The following RNFT2 variants were observed in gnomAD, a reference collection of about 807,000 sequenced individuals.
The protein encoded by RNFT2 is E3 ubiquitin-protein ligase RNFT2.
In RNFT2, 36 loss-of-function variants were observed where a neutral mutation model predicts 53.0. That is an observed-to-expected ratio of 0.68 (90% CI 0.52 to 0.90). The LOEUF is 0.90. Among genes scored for constraint, RNFT2 ranks in the 40% least tolerant of loss-of-function variants. RNFT2 has a pLI of 0.00. For synonymous variants in RNFT2, 260 were observed against 253.2 expected, an observed-to-expected ratio of 1.03 and a Z score of -0.26; for missense variants, 514 against 585.6, an observed-to-expected ratio of 0.88 and a Z score of 1.26.
At chr12:116,751,758 T>G (rs1054657160) in intron 4 of RNFT2, among the ~76,000 whole-genome samples, 3 of 151,928 alleles carry the variant, frequency 2.0e-5, no homozygotes, top group Non-Finnish European at 4.4e-5. Flanking sequence ...TTGTTTGTTT[T>G]TGTTTTTGTT....
At position 116,789,242 on chromosome 12, in the gene RNFT2, TG is replaced by T. The variant is rs529790507; in HGVS notation, c.882+9897del. Among the ~76,000 whole-genome samples, 690 of 137,464 alleles carry T rather than the reference TG, an allele frequency of 5.0e-3. 1 individual carries two copies. The highest frequency in any genetic ancestry group is 7.8e-3 in the Admixed American group (104 of 13,288). 90.2% of individuals were successfully genotyped at this position (137,464 alleles called of 152,430 possible). ...GGTAAATGGGAGGAGAGTAGATGGATGGGTGGATGGGTAAATGGGAGAAGAG... is the reference window on the plus strand; with the variant it reads ...GGTAAATGGGAGGAGAGTAGATGGATGGTGGATGGGTAAATGGGAGAAGAG... On this transcript the variant is annotated intron_variant, in intron 7 of 10. Transcript: ENST00000257575.
chr12:116,777,788 C>A (rs1375571709), intron 6 of RNFT2, among the ~76,000 whole-genome samples: 1 of 152,138 alleles, frequency 6.6e-6, no homozygotes, highest in East Asian at 1.9e-4. Context: ...TTCATGAGAA[C>A]CCTGAGGCTT....
At chr12:116,791,592 G>T (rs1375121970) in intron 7 of RNFT2, among the ~76,000 whole-genome samples, 1 of 152,200 alleles carries the variant, frequency 6.6e-6, no homozygotes, top group Non-Finnish European at 1.5e-5. Context: ...TTACAGGCAT[G>T]AGCCACCATG....
chr12:116,827,334 C>T lies in RNFT2; in HGVS notation c.883-6458C>T, dbSNP rs185331711. Among the ~76,000 whole-genome samples, 517 of 152,184 alleles carry T rather than the reference C, an allele frequency of 3.4e-3. 4 individuals are homozygous for T. The highest frequency in any genetic ancestry group is 0.011 in the African/African-American group (476 of 41,514). On this transcript the variant is annotated intron_variant, in intron 7 of 10. Transcript: ENST00000257575. ...AAAGTCAGGGAAGGCTTTTCATAGG[C>T]GGTGACAGTTAGCTGAGACCCAAAA...
chr12:116,809,803 G>C lies in RNFT2; in HGVS notation c.883-23989G>C, dbSNP rs190939713. Among the ~76,000 whole-genome samples, 216 of 152,220 alleles carry C rather than the reference G, an allele frequency of 1.4e-3. 1 individual carries two copies. The highest frequency in any genetic ancestry group is 5.1e-3 in the African/African-American group (210 of 41,544). On this transcript the variant is annotated intron_variant, in intron 7 of 10. Coordinates refer to ENST00000257575, the MANE Select transcript of RNFT2 (RefSeq NM_001382266.1). The stretch of plus-strand genomic sequence containing the variant: ...TTCTCCTGCCTCAGCCTCCTGAGTA[G>C]CTGGGACTACAGGCACCCACCACCA...
rs1016195907 is a variant in RNFT2, at chr12:116,749,284, C to A, written c.84-557C>A. Among the ~76,000 whole-genome samples the A allele has an allele frequency of 7.2e-5, 3 of 41,468 alleles. 1 individual carries two copies. The highest frequency in any genetic ancestry group is 1.7e-3 in the South Asian group (2 of 1,144). 27.2% of individuals were successfully genotyped at this position (41,468 alleles called of 152,430 possible). A position where few individuals can be genotyped will look rare whatever the true frequency, so the allele number is the denominator to read the frequency against. The stretch of plus-strand genomic sequence containing the variant: ...TGTCCTAATCTCTTCCTCTTTCCCC[C>A]CCCACCACCCCTTTTGAGACAGGCT... On this transcript the variant is annotated intron_variant, in intron 3 of 10. Coordinates refer to ENST00000257575, the MANE Select transcript of RNFT2 (RefSeq NM_001382266.1).
At chr12:116,743,412 A>G (rs989936733) in intron 3 of RNFT2, among the ~76,000 whole-genome samples, 4 of 151,634 alleles carry the variant, frequency 2.6e-5, no homozygotes, top group Admixed American at 2.0e-4. Flanking sequence ...GACCATAGGC[A>G]CGCACCACCA....
At chr12:116,809,187 GTT>G (rs1565866738) in intron 7 of RNFT2, among the ~76,000 whole-genome samples, 243 of 150,954 alleles carry the variant, frequency 1.6e-3, no homozygotes, top group Non-Finnish European at 2.9e-3. Flanking sequence ...AGCTGAGTTT[GTT>G]CATTCATTCA....
intron 7 of RNFT2, among the ~76,000 whole-genome samples, chr12:116,788,216 T>C (rs1874025971): frequency 6.6e-6 from 1 of 152,212 alleles, no homozygotes; most frequent in African/African-American, 2.4e-5. Context: ...CGTGAGCCAC[T>C]GCGCCCAGCC....
At chr12:116,833,362 C>T (rs1311686457) in intron 7 of RNFT2, among the ~76,000 whole-genome samples, 1 of 152,240 alleles carries the variant, frequency 6.6e-6, no homozygotes, top group South Asian at 2.1e-4. Flanking sequence ...TGCCCAGGCC[C>T]CTGAGAGCAG....
chr12:116,812,107 A>G (rs1436271996), intron 7 of RNFT2, among the ~76,000 whole-genome samples: 1 of 152,102 alleles, frequency 6.6e-6, no homozygotes, highest in Non-Finnish European at 1.5e-5. Context: ...TGCCTGCTCA[A>G]TCTCAGCTGT....
intron 8 of RNFT2, among the ~76,000 whole-genome samples, chr12:116,835,303 A>G (rs1592987440): frequency 8.0e-6 from 1 of 124,530 alleles, no homozygotes; most frequent in South Asian, 2.5e-4. Flanking sequence ...CCACACTTCT[A>G]CTGAATGTTT....
chr12:116,814,630 GC>G (rs1483819907), intron 7 of RNFT2, among the ~76,000 whole-genome samples: 1 of 152,112 alleles, frequency 6.6e-6, no homozygotes, highest in African/African-American at 2.4e-5. Context: ...AGCACCCTTT[GC>G]AGAAGGCCCA....
chr12:116,852,753 G>C lies in RNFT2; in HGVS notation c.*3305G>C, dbSNP rs376978684. The C allele has an allele frequency of 1.2e-5, 19 of 1,587,210 alleles. No homozygotes were observed. The highest frequency in any genetic ancestry group is 1.6e-5 in the Non-Finnish European group (18 of 1,155,702). On this transcript the variant is annotated 3_prime_UTR_variant, in exon 11 of 11. Coordinates refer to ENST00000257575, the MANE Select transcript of RNFT2 (RefSeq NM_001382266.1). ...TGCTGGGAGTCAGACCTGGAATTCT[G>C]ATTCCAAACTCTTTATTACTTTGGG...
chr12:116,780,670 C>CAA lies in RNFT2; in HGVS notation c.882+1335_882+1336dup, dbSNP rs534092869. On this transcript the variant is annotated intron_variant, in intron 7 of 10. Coordinates refer to ENST00000257575, the MANE Select transcript of RNFT2 (RefSeq NM_001382266.1). ...CAGGAAACGCAAAATGGCATAAAGACAAAAAAAAAAAAAAGAGATGTGGAG... is the reference window on the plus strand; with the variant it reads ...CAGGAAACGCAAAATGGCATAAAGACAAAAAAAAAAAAAAAAGAGATGTGGAG... 1.6e-3 allele frequency among the ~76,000 whole-genome samples: 157 copies of CAA among 100,190 alleles called. 3 individuals are homozygous for CAA. Among genetic ancestry groups the CAA allele is most frequent in the African/African-American group, 4.4e-3 (141 of 32,064 alleles). The allele number at this position is 100,190 out of a possible 152,430, so 65.7% of individuals were successfully genotyped here.
chr12:116,834,035 G>T, intron 8 of RNFT2, 94 bp downstream of exon 8: 1 of 1,083,886 alleles, frequency 9.2e-7, no homozygotes, highest in Non-Finnish European at 1.2e-6. Context: ...GAATACCCAT[G>T]CTGATTTATT....
rs942653181 is a variant in RNFT2 at position 116,841,100 on chromosome 12, A to C, written c.1200+4818A>C. On this transcript the variant is annotated intron_variant, in intron 10 of 10. Coordinates refer to ENST00000257575, the MANE Select transcript of RNFT2 (RefSeq NM_001382266.1). ...CAATTGCTGTATAACAAGTTACCCC[A>C]AAACTCAGCAGCTTAAAGCAACAAA... Among the ~76,000 whole-genome samples, 17 of 152,188 alleles carry C rather than the reference A, an allele frequency of 1.1e-4. 1 individual carries two copies. Among genetic ancestry groups the C allele is most frequent in the Admixed American group, 9.8e-4 (15 of 15,276 alleles).
chr12:116,740,370 T>A lies in RNFT2; in HGVS notation c.-128T>A. 1 of 881,676 alleles carries A rather than the reference T, an allele frequency of 1.1e-6. No homozygotes were observed. 54.6% of individuals were successfully genotyped at this position (881,676 alleles called of 1,614,324 possible). Reference sequence around the variant, plus strand: ...GTTTGGAGTCTCTGGCAAGCTCCCCTGACTGTGCATCCCTCTGGAGACGAA... The same window carrying A: ...GTTTGGAGTCTCTGGCAAGCTCCCCAGACTGTGCATCCCTCTGGAGACGAA... On this transcript the variant is annotated 5_prime_UTR_variant, in exon 2 of 11. Coordinates refer to ENST00000257575, the MANE Select transcript of RNFT2 (RefSeq NM_001382266.1).
chr12:116,753,916 T>A, intron 4 of RNFT2, 68 bp from the exon 5 acceptor site: 1 of 1,237,236 alleles, frequency 8.1e-7, no homozygotes, highest in Non-Finnish European at 1.2e-6. Flanking sequence ...TTCCCCCATG[T>A]TGCTCAGCAC....
Sources: allele counts gnomAD v4.1 joint callset (sites outside exome capture counted in the v4.1 genomes callset), GRCh38; gene constraint gnomAD v4.1.1; transcripts MANE v1.5; gene names NCBI Gene and HGNC (gene_info 2026-07-23, HGNC 2026-07-21).